Variants in SORL1 observed in about 807,000 individuals in gnomAD.
SORL1 encodes the protein sortilin related receptor 1, also known as sortilin-related receptor.
A neutral mutation model predicts 273.7 loss-of-function variants in SORL1; 127 were observed. That is an observed-to-expected ratio of 0.46 (90% CI 0.40 to 0.54). The LOEUF (loss-of-function observed/expected upper bound fraction) is 0.54. Among genes scored for constraint, SORL1 ranks in the 20% least tolerant of loss-of-function variants. The probability of loss-of-function intolerance (pLI) is 0.00; values close to 1 mark genes in which losing one functional copy is unlikely to be tolerated. For synonymous variants in SORL1, 1,031 were observed against 1,067.4 expected, an observed-to-expected ratio of 0.97 and a Z score of 0.66; for missense variants, 2,494 against 2,846.1, an observed-to-expected ratio of 0.88 and a Z score of 2.81.
intron 3 of SORL1, among the ~76,000 whole-genome samples, chr11:121,486,118 A>G (rs1414551646): frequency 6.6e-6 from 1 of 152,170 alleles, no homozygotes; most frequent in African/African-American, 2.4e-5. Context: ...TCCATTCGAG[A>G]AAGTGTCCTT....
intron 12 of SORL1, among the ~76,000 whole-genome samples, chr11:121,533,762 G>A (rs182125880): frequency 6.6e-6 from 1 of 152,232 alleles, no homozygotes; most frequent in East Asian, 1.9e-4. Flanking sequence ...AATTTGACAT[G>A]TGCTGAGCAG....
intron 31 of SORL1, among the ~76,000 whole-genome samples, chr11:121,593,421 G>A (rs1378423915): frequency 6.6e-6 from 1 of 152,160 alleles, no homozygotes; most frequent in African/African-American, 2.4e-5. Context: ...CATGTCCAGG[G>A]ATTTATCAAG....
chr11:121,490,250 G>A (rs1448646550), intron 5 of SORL1, 140 bp downstream of exon 5: 2 of 651,228 alleles, frequency 3.1e-6, no homozygotes, highest in Admixed American at 4.7e-5. Context: ...CTGAGAATTA[G>A]AGCTGCAAGT....
At chr11:121,567,583 G>A (rs1862772636) in intron 22 of SORL1, among the ~76,000 whole-genome samples, 1 of 152,222 alleles carries the variant, frequency 6.6e-6, no homozygotes, top group African/African-American at 2.4e-5. Flanking sequence ...GCCTAGCCCA[G>A]TGTGTCCTGA....
intron 29 of SORL1, 25 bp from the exon 30 acceptor site, chr11:121,590,015 C>T: frequency 6.2e-7 from 1 of 1,612,272 alleles, no homozygotes; most frequent in Non-Finnish European, 8.5e-7. Flanking sequence ...GGGAAAGCAA[C>T]TGATGATGTG....
chr11:121,462,610 G>A (rs559969791), intron 1 of SORL1, among the ~76,000 whole-genome samples: 5 of 152,204 alleles, frequency 3.3e-5, no homozygotes, highest in South Asian at 4.1e-4. Context: ...TTTGAGACAG[G>A]GTCTAGCTCT....
intron 42 of SORL1, among the ~76,000 whole-genome samples, chr11:121,619,526 C>T (rs763553301): frequency 2.0e-5 from 3 of 152,178 alleles, no homozygotes; most frequent in Non-Finnish European, 4.4e-5. Flanking sequence ...CATACATATC[C>T]TTCCTTATAT....
chr11:121,499,171 A>G (rs939813725), intron 6 of SORL1, among the ~76,000 whole-genome samples: 4 of 152,230 alleles, frequency 2.6e-5, no homozygotes, highest in African/African-American at 9.6e-5. Context: ...TGGGAGACGT[A>G]TTAAATTTTT....
chr11:121,468,445 G>T (rs1861119896), intron 1 of SORL1, among the ~76,000 whole-genome samples: 1 of 151,868 alleles, frequency 6.6e-6, no homozygotes, highest in South Asian at 2.1e-4. Context: ...TTTTGAGACT[G>T]AGTCTTGCTC....
intron 38 of SORL1, chr11:121,609,841 T>A (rs1863535005): frequency 6.6e-6 from 1 of 152,218 alleles, no homozygotes; most frequent in Non-Finnish European, 1.5e-5. Context: ...GGATCCCTTA[T>A]TAATCCTTAT....
At chr11:121,557,039 T>C (rs900115045) in intron 18 of SORL1, 61 of 447,266 alleles carry the variant, frequency 1.4e-4, no homozygotes, top group Non-Finnish European at 4.4e-5. Flanking sequence ...TACTTATTGA[T>C]ACTGCTTTGT....
At chr11:121,556,444 C>A (rs1862582853) in intron 18 of SORL1, among the ~76,000 whole-genome samples, 1 of 152,088 alleles carries the variant, frequency 6.6e-6, no homozygotes, top group Admixed American at 6.5e-5. Flanking sequence ...CCTGGGGATG[C>A]TGATAGAAGT....
chr11:121,466,195 G>C, intron 1 of SORL1, among the ~76,000 whole-genome samples: 1 of 152,270 alleles, frequency 6.6e-6, no homozygotes, highest in Non-Finnish European at 1.5e-5. Flanking sequence ...ACAGGGGAGA[G>C]GGAAGGTTGT....
At chr11:121,519,999 C>A (rs1209313977) in intron 8 of SORL1, among the ~76,000 whole-genome samples, 1 of 152,072 alleles carries the variant, frequency 6.6e-6, no homozygotes, top group Non-Finnish European at 1.5e-5. Context: ...GCCTGTAATC[C>A]CAGCACTTTG....
intron 12 of SORL1, among the ~76,000 whole-genome samples, chr11:121,540,545 A>C (rs1862333531): frequency 6.6e-6 from 1 of 151,680 alleles, no homozygotes; most frequent in African/African-American, 2.4e-5. Context: ...AAGAATGCAA[A>C]GATGACTTTG....
rs1317320405 is a variant in SORL1, at chr11:121,595,026, A to G, written c.4370-597A>G. Among the ~76,000 whole-genome samples the G allele has an allele frequency of 1.3e-5, 2 of 152,238 alleles. No homozygotes were observed. Among genetic ancestry groups the G allele is most frequent in the Non-Finnish European group, 2.9e-5 (2 of 68,046 alleles). On this transcript the variant is annotated intron_variant, in intron 31 of 47. Transcript: ENST00000260197. This position sits in a 1 kb window ranked among gnomAD's most constrained non-coding sequence, Gnocchi z 5.1. The stretch of plus-strand genomic sequence containing the variant: ...TTAATCCCCCTTTTATCAGTAGGAT[A>G]TACTTGCTGTCAACTACGCCTATCT...
intron 8 of SORL1, among the ~76,000 whole-genome samples, chr11:121,518,410 G>C (rs1412453201): frequency 6.6e-6 from 1 of 152,198 alleles, no homozygotes. Context: ...GAAGGAGCAT[G>C]TGAGGTACAG....
rs2134811058 is a variant in SORL1, at chr11:121,488,053, G to A, written c.550G>A (p.Ala184Thr). The A allele has an allele frequency of 2.5e-6, 4 of 1,614,130 alleles. No individual in the cohort carries two copies. The highest frequency in any genetic ancestry group is 2.7e-5 in the African/African-American group (2 of 75,028). Residue 184 changes from alanine to threonine, a missense_variant, in exon 4 of 48, where the codon GCC (alanine) becomes ACC (threonine). By Grantham distance (58) the Ala-to-Thr change is moderately conservative (BLOSUM62 0). Transcript: ENST00000260197. ...GCAGTACATCTTTGCAGACGCTTATGCCCAGTACCTCTGGATCACGTTTGA... is the reference window on the plus strand; with the variant it reads ...GCAGTACATCTTTGCAGACGCTTATACCCAGTACCTCTGGATCACGTTTGA... ...NKRYIFADAY[A>T]QYLWITFDFC... is the part of the protein sequence containing the mutation.
chr11:121,502,719 G>A (rs146153651), intron 6 of SORL1, among the ~76,000 whole-genome samples: 3 of 152,004 alleles, frequency 2.0e-5, no homozygotes, highest in Admixed American at 6.6e-5. Context: ...TCCTTTGTCC[G>A]TTTTTAAATT....
Sources: gnomAD v4.1 joint callset for allele counts (sites outside exome capture counted in the v4.1 genomes callset) on GRCh38, gnomAD v4.1.1 for gene constraint, Gnocchi (gnomAD v3.1) non-coding constraint, MANE v1.5 for transcripts, NCBI Gene and HGNC (gene_info 2026-07-23, HGNC 2026-07-21) for gene names.